The following PRKG2 variants were observed in gnomAD, a reference collection of about 807,000 sequenced individuals.
The protein encoded by PRKG2 is cGMP-dependent protein kinase 2.
Under a neutral mutation model 97.2 loss-of-function variants are expected in PRKG2, and 33 were observed. The ratio of observed to expected loss-of-function variants is 0.34; its 90% CI spans 0.26 to 0.45. The LOEUF (loss-of-function observed/expected upper bound fraction) is 0.45, where lower values mean the gene tolerates loss of function less well. Ranked by LOEUF, PRKG2 falls within the 20% of genes least tolerant of loss-of-function variation. The pLI is 1.00. For missense variants in PRKG2, 638 were observed against 900.0 expected (o/e 0.71, Z 3.73); for synonymous variants, 330 against 321.8 (o/e 1.03, Z -0.27).
chr4:81,187,962 G>C (rs1752037371), intron 2 of PRKG2, among the ~76,000 whole-genome samples: 2 of 152,074 alleles, frequency 1.3e-5, no homozygotes, highest in Non-Finnish European at 2.9e-5. Flanking sequence ...ATAGGCATGG[G>C]CAAGGACTTC....
chr4:81,111,488 A>G (rs72871779), intron 14 of PRKG2, among the ~76,000 whole-genome samples: 21,018 of 151,154 alleles, frequency 0.14, 2,860 homozygotes, highest in East Asian at 0.39. Context: ...TAATTGAAGA[A>G]AGTATAAATT....
At chr4:81,093,507 A>C (rs1301240274) in intron 17 of PRKG2, among the ~76,000 whole-genome samples, 1 of 151,840 alleles carries the variant, frequency 6.6e-6, no homozygotes, top group East Asian at 1.9e-4. Flanking sequence ...CTATCTCCCC[A>C]CTAGAAAGCA....
chr4:81,177,211 A>G (rs1168163323), intron 2 of PRKG2, among the ~76,000 whole-genome samples: 1 of 152,166 alleles, frequency 6.6e-6, no homozygotes, highest in Non-Finnish European at 1.5e-5. Context: ...TTATATTCAT[A>G]TCTATTCTGC....
At chr4:81,145,140 G>A (rs1747732870) in intron 9 of PRKG2, among the ~76,000 whole-genome samples, 1 of 152,030 alleles carries the variant, frequency 6.6e-6, no homozygotes, top group African/African-American at 2.4e-5. Flanking sequence ...GGATGGCTGG[G>A]TCAAATGGTA....
intron 1 of PRKG2, among the ~76,000 whole-genome samples, chr4:81,207,853 A>C (rs1196588830): frequency 6.6e-6 from 1 of 152,192 alleles, no homozygotes; most frequent in African/African-American, 2.4e-5. Flanking sequence ...CTGTCCCTGA[A>C]GCCAAGGTTT....
At chr4:81,144,109 C>A in intron 10 of PRKG2, 123 bp downstream of exon 10, 1 of 749,028 alleles carries the variant, frequency 1.3e-6, no homozygotes, top group Non-Finnish European at 2.2e-6. Context: ...AAAGAACTCT[C>A]CAGAATTTTC....
intron 14 of PRKG2, among the ~76,000 whole-genome samples, chr4:81,121,425 G>A (rs1393078416): frequency 6.6e-6 from 1 of 151,996 alleles, no homozygotes; most frequent in African/African-American, 2.4e-5. Context: ...ACCCATCTAA[G>A]CCTGGTTCTT....
In PRKG2 at chr4:81,204,769, C is replaced by T. The variant is rs780871912; in HGVS notation, c.279G>A (p.Pro93=). Residue 93 remains proline, a synonymous_variant, in exon 2 of 19, where the codon CCG becomes CCA. Coordinates refer to ENST00000264399, the MANE Select transcript of PRKG2 (RefSeq NM_006259.3). ...GCACTTTATCTGGAGAGGCCTGAAG[C>T]GGGCTTCCTCCCTGCATATGCACCA... ...QDVVHMQGGS[P]LQASPDKVPL... is the part of the protein sequence containing the mutation. 2.2e-5 allele frequency: 36 copies of T among 1,614,180 alleles called. No individual in the cohort carries two copies. The highest frequency in any genetic ancestry group is 1.3e-4 in the South Asian group (12 of 91,074).
chr4:81,172,817 G>T (rs1343054833), intron 3 of PRKG2, among the ~76,000 whole-genome samples: 2 of 151,968 alleles, frequency 1.3e-5, no homozygotes, highest in Non-Finnish European at 2.9e-5. Context: ...AAACTGATCC[G>T]AGTACCTATG....
At chr4:81,154,492 C>T (rs1220761768) in intron 6 of PRKG2, among the ~76,000 whole-genome samples, 16 of 139,234 alleles carry the variant, frequency 1.1e-4, no homozygotes, top group Non-Finnish European at 1.8e-4. Flanking sequence ...CTGGGAGGCA[C>T]CCCCCAGCAG....
At chr4:81,208,324 C>A (rs1753789809) in intron 1 of PRKG2, among the ~76,000 whole-genome samples, 1 of 152,132 alleles carries the variant, frequency 6.6e-6, no homozygotes, top group African/African-American at 2.4e-5. Flanking sequence ...TAACTAGAAA[C>A]AGGCAATTAA....
At position 81,180,663 on chromosome 4, in the gene PRKG2, T is replaced by C. The variant is rs190368629; in HGVS notation, c.462-5704A>G. On this transcript the variant is annotated intron_variant, in intron 2 of 18. Transcript: ENST00000264399. ...AATTAAAAGAAAAAATAGACAAGTGTCCCACATTGATTCTGGGAGATTTTA... is the reference window on the plus strand; with the variant it reads ...AATTAAAAGAAAAAATAGACAAGTGCCCCACATTGATTCTGGGAGATTTTA... Among the ~76,000 whole-genome samples the C allele has an allele frequency of 3.3e-5, 5 of 152,204 alleles. No homozygotes were observed. The East Asian group carries it at 9.6e-4, about 29-fold the overall frequency.
intron 6 of PRKG2, among the ~76,000 whole-genome samples, chr4:81,159,981 G>T (rs1449257799): frequency 8.6e-6 from 1 of 116,254 alleles, no homozygotes; most frequent in Non-Finnish European, 1.7e-5. Context: ...AGGGGGGAGG[G>T]AGAGCATTGG....
At chr4:81,205,094 G>A in intron 1 of PRKG2, 34 bp from the exon 2 acceptor site, 1 of 1,375,898 alleles carries the variant, frequency 7.3e-7, no homozygotes, top group Non-Finnish European at 9.9e-7. Context: ...GTATCAAGTG[G>A]AGTTTCACTT....
At chr4:81,183,838 G>A (rs1357196448) in intron 2 of PRKG2, among the ~76,000 whole-genome samples, 1 of 152,180 alleles carries the variant, frequency 6.6e-6, no homozygotes, top group African/African-American at 2.4e-5. Flanking sequence ...TAAGGCTTCA[G>A]TAGGCGGTTT....
At chr4:81,175,895 T>C (rs1310600138) in intron 2 of PRKG2, 2 of 152,180 alleles carry the variant, frequency 1.3e-5, no homozygotes, top group Non-Finnish European at 2.9e-5. Context: ...CTAAGTCAGA[T>C]CTGCACAATA....
intron 2 of PRKG2, among the ~76,000 whole-genome samples, chr4:81,198,457 C>T (rs1361394876): frequency 6.6e-6 from 1 of 152,166 alleles, no homozygotes; most frequent in Non-Finnish European, 1.5e-5. Flanking sequence ...CTTTTTACCT[C>T]TTCCTTTTTT....
chr4:81,177,559 C>T (rs949336006), intron 2 of PRKG2, among the ~76,000 whole-genome samples: 14 of 152,134 alleles, frequency 9.2e-5, no homozygotes, highest in African/African-American at 2.2e-4. Context: ...AAAAATTAGC[C>T]GGGCATGGTG....
intron 2 of PRKG2, among the ~76,000 whole-genome samples, chr4:81,193,574 T>C (rs1003049826): frequency 2.0e-5 from 3 of 152,164 alleles, no homozygotes; most frequent in Non-Finnish European, 1.5e-5. Context: ...GCGCGATGGC[T>C]CACACCTGTA....
Sources: allele counts gnomAD v4.1 joint callset (sites outside exome capture counted in the v4.1 genomes callset), GRCh38; gene constraint gnomAD v4.1.1; transcripts MANE v1.5; gene names NCBI Gene and HGNC (gene_info 2026-07-23, HGNC 2026-07-21).